The following DDRGK1 variants were observed in gnomAD, a reference collection of about 807,000 sequenced individuals.
DDRGK1 encodes DDRGK domain containing 1.
Under a neutral mutation model 45.8 loss-of-function variants are expected in DDRGK1, and 38 were observed. That is an observed-to-expected ratio of 0.83 (90% CI 0.64 to 1.09). DDRGK1 has a LOEUF of 1.09. Among genes scored for constraint, DDRGK1 ranks in the 50% least tolerant of loss-of-function variants. DDRGK1 has a pLI of 0.00. For synonymous variants in DDRGK1, 171 were observed against 168.7 expected (o/e 1.01, Z -0.11); for missense variants, 403 against 419.9 (o/e 0.96, Z 0.35).
Position 3,200,036 on chromosome 20 carries a change from C to T in DDRGK1, c.475G>A (p.Glu159Lys), listed in dbSNP as rs780988105. The change falls in exon 4 of 9, where the codon GAG becomes AAG. Residue 159 changes from glutamate to lysine, a missense_variant. Coordinates refer to ENST00000354488, the MANE Select transcript of DDRGK1 (RefSeq NM_023935.3). Reference protein sequence around the residue: ...ESQREAEWKKEEERLRLEEEQ... With the variant: ...ESQREAEWKKKEERLRLEEEQ... The stretch of plus-strand genomic sequence containing the variant: ...TCCTCCAGGCGAAGCCGCTCCTCCT[C>T]CTTCTTCCACTCAGCTTCGCGCTGG... 1.2e-6 allele frequency: 2 copies of T among 1,613,880 alleles called. No individual in the cohort carries two copies. The highest frequency in any genetic ancestry group is 1.7e-6 in the Non-Finnish European group (2 of 1,179,986).
At chr20:3,200,663 G>A (rs1568501322) in intron 2 of DDRGK1, among the ~76,000 whole-genome samples, 1 of 152,218 alleles carries the variant, frequency 6.6e-6, no homozygotes, top group Non-Finnish European at 1.5e-5. Context: ...ACGGTGAGGG[G>A]CCCATAGGGC....
At chr20:3,194,942 C>T in intron 5 of DDRGK1, 74 bp from the exon 6 acceptor site, 1 of 1,576,220 alleles carries the variant, frequency 6.3e-7, no homozygotes, top group Non-Finnish European at 8.6e-7. Flanking sequence ...CACCCAAGTA[C>T]CACCTGCTCA....
chr20:3,192,421 G>A (rs1426678929), intron 6 of DDRGK1, among the ~76,000 whole-genome samples: 3 of 152,166 alleles, frequency 2.0e-5, no homozygotes, highest in Non-Finnish European at 2.9e-5. Context: ...ATAAAAGCCC[G>A]AGCAAGCCAA....
chr20:3,202,945 G>A (rs1240830668), intron 2 of DDRGK1, among the ~76,000 whole-genome samples: 1 of 152,158 alleles, frequency 6.6e-6, no homozygotes, highest in Non-Finnish European at 1.5e-5. Context: ...AAGGGTGCGA[G>A]GATAGAAGGG....
At chr20:3,201,680 C>T (rs1419533813) in intron 2 of DDRGK1, among the ~76,000 whole-genome samples, 34 of 148,206 alleles carry the variant, frequency 2.3e-4, no homozygotes, top group Admixed American at 7.4e-4. Context: ...TTTTTTGAGA[C>T]GGAGTCTCGC....
chr20:3,198,152 A>T (rs2067019914), intron 4 of DDRGK1, among the ~76,000 whole-genome samples: 1 of 150,492 alleles, frequency 6.6e-6, no homozygotes, highest in Non-Finnish European at 1.5e-5. Flanking sequence ...TCATGCCTGT[A>T]ATCCCAGCAC....
At chr20:3,198,247 A>T (rs2067020284) in intron 4 of DDRGK1, among the ~76,000 whole-genome samples, 1 of 151,650 alleles carries the variant, frequency 6.6e-6, no homozygotes, top group African/African-American at 2.4e-5. Context: ...CTCTACTAAA[A>T]ATATAAAAAT....
At chr20:3,196,993 C>G (rs896667908) in intron 4 of DDRGK1, among the ~76,000 whole-genome samples, 1 of 151,926 alleles carries the variant, frequency 6.6e-6, no homozygotes, top group Non-Finnish European at 1.5e-5. Flanking sequence ...GAGGCTGAGG[C>G]AGGCGGATCA....
chr20:3,203,385 C>T lies in DDRGK1; in HGVS notation c.123G>A (p.Leu41=). Residue 41 remains leucine (L), a synonymous_variant, in exon 2 of 9, where the codon CTG becomes CTA. Coordinates refer to ENST00000354488, the MANE Select transcript of DDRGK1 (RefSeq NM_023935.3). ...AGQEPLHNEE[L]AGAGRVAQPG... is the part of the protein sequence containing the mutation. ...GCTGGGCCACCCGGCCTGCTCCTGCCAGCTCCTCATTGTGCAGTGGCTCTT... is the reference window on the plus strand; with the variant it reads ...GCTGGGCCACCCGGCCTGCTCCTGCTAGCTCCTCATTGTGCAGTGGCTCTT... 1 of 1,602,284 alleles carries T rather than the reference C, an allele frequency of 6.2e-7. No individual in the cohort carries two copies. The highest frequency in any genetic ancestry group is 8.5e-7 in the Non-Finnish European group (1 of 1,174,506).
At chr20:3,191,457 G>A (rs1305231786) in intron 7 of DDRGK1, 1 of 658,168 alleles carries the variant, frequency 1.5e-6, no homozygotes, top group African/African-American at 1.8e-5. Context: ...GTTAGAAGCG[G>A]GGCAGTGATG....
chr20:3,190,654 C>A lies in DDRGK1; in HGVS notation c.944G>T (p.Ter315LeuextTer36). The A allele has an allele frequency of 6.2e-7, 1 of 1,613,528 alleles. No homozygotes were observed. ...GAGTCCAAGAGGGAAGGACTGGGGT[C>A]AGGCTGGGGCTTGGGCAGGGGACTC... Reference protein sequence around the residue: ...GRESPAQAPA* With the variant: ...GRESPAQAPAL Residue 315 changes from the stop codon to leucine, a stop_lost, in exon 9 of 9, where the codon TGA (stop) becomes TTA (leucine). Transcript: ENST00000354488.
At chr20:3,203,513 C>T in intron 1 of DDRGK1, 97 bp from the exon 2 acceptor site, 3 of 1,404,128 alleles carry the variant, frequency 2.1e-6, no homozygotes, top group Admixed American at 3.2e-5. Context: ...CTCTGCTTAG[C>T]GGCCTGCTGC....
In DDRGK1 at chr20:3,190,655, A is replaced by G; in HGVS notation, c.943T>C (p.Ter315ArgextTer36). ...GRESPAQAPA[*>R] ...AGTCCAAGAGGGAAGGACTGGGGTC[A>G]GGCTGGGGCTTGGGCAGGGGACTCC... Residue 315 changes from the stop codon to arginine, a stop_lost, in exon 9 of 9, where the codon TGA (stop) becomes CGA (arginine). Transcript: ENST00000354488. The G allele has an allele frequency of 8.1e-6, 13 of 1,613,638 alleles. No homozygotes were observed. Among genetic ancestry groups the G allele is most frequent in the Non-Finnish European group, 1.1e-5 (13 of 1,179,970 alleles).
chr20:3,201,042 G>A (rs112522277), intron 2 of DDRGK1, among the ~76,000 whole-genome samples: 3 of 152,106 alleles, frequency 2.0e-5, no homozygotes, highest in South Asian at 4.1e-4. Context: ...CCCAGGAGCC[G>A]GAACTTGCAG....
At position 3,204,556 on chromosome 20, in the gene DDRGK1, GC is replaced by G; in HGVS notation, c.71del (p.Ser24ThrfsTer75). The G allele has an allele frequency of 6.4e-7, 1 of 1,573,988 alleles. No individual in the cohort carries two copies. Among genetic ancestry groups the G allele is most frequent in the South Asian group, 1.1e-5 (1 of 87,110 alleles). ...TCCTACCTGATGCCGCCCGGCCCCG[GC>G]TGCGAGTCAGGAAGAGGATAAAGCC... is the stretch of plus-strand genomic sequence containing the variant. ...LVGFILFLTR[S>X]RGRAASAGQE... On this transcript the variant is annotated frameshift_variant, in exon 1 of 9. Coordinates refer to ENST00000354488, the MANE Select transcript of DDRGK1 (RefSeq NM_023935.3). LOFTEE classifies it high-confidence loss of function.
chr20:3,203,186 C>A, intron 2 of DDRGK1, 27 bp downstream of exon 2: 1 of 1,520,328 alleles, frequency 6.6e-7, no homozygotes, highest in Non-Finnish European at 8.8e-7. Flanking sequence ...CCCAAACCCT[C>A]TCCCCACCAG....
intron 1 of DDRGK1, among the ~76,000 whole-genome samples, chr20:3,203,885 C>G (rs2067053433): frequency 6.6e-6 from 1 of 151,790 alleles, no homozygotes; most frequent in Non-Finnish European, 1.5e-5. Flanking sequence ...CGCAGGTGCT[C>G]AGAGGTAGCT....
chr20:3,195,474 G>C, intron 4 of DDRGK1, 121 bp from the exon 5 acceptor site: 1 of 1,363,194 alleles, frequency 7.3e-7, no homozygotes, highest in South Asian at 1.5e-5. Flanking sequence ...CAGAGACAGA[G>C]CTCCTTCAGG....
chr20:3,203,188 C>A, intron 2 of DDRGK1, 25 bp downstream of exon 2: 1 of 1,523,782 alleles, frequency 6.6e-7, no homozygotes, highest in Non-Finnish European at 8.8e-7. Context: ...CAAACCCTCT[C>A]CCCACCAGGC....
Sources: allele counts gnomAD v4.1 joint callset (sites outside exome capture counted in the v4.1 genomes callset), GRCh38; gene constraint gnomAD v4.1.1; transcripts MANE v1.5; gene names NCBI Gene and HGNC (gene_info 2026-07-23, HGNC 2026-07-21).